NUP133: variants seen among roughly 807,000 people sequenced by gnomAD.
NUP133 encodes nuclear pore complex protein Nup133.
NUP133 carries 66 observed loss-of-function variants against 146.2 expected under a neutral mutation model. That is an observed-to-expected ratio of 0.45 (90% CI 0.37 to 0.55). The LOEUF (loss-of-function observed/expected upper bound fraction) is 0.55, where lower values mean the gene tolerates loss of function less well. Ranked by LOEUF, NUP133 falls within the 20% of genes least tolerant of loss-of-function variation. NUP133 has a pLI of 0.00. For missense variants in NUP133, 1,277 were observed against 1,374.8 expected (o/e 0.93, Z 1.12); for synonymous variants, 521 against 498.8 (o/e 1.04, Z -0.59).
intron 14 of NUP133, among the ~76,000 whole-genome samples, chr1:229,474,622 C>T (rs568561338): frequency 6.6e-6 from 1 of 152,290 alleles, no homozygotes; most frequent in East Asian, 1.9e-4. Context: ...TTCAGTTCTT[C>T]AGTTGCTAGT....
chr1:229,441,808 A>G lies in NUP133; in HGVS notation c.*96T>C, dbSNP rs1660188824. On this transcript the variant is annotated 3_prime_UTR_variant, in exon 26 of 26. Transcript: ENST00000261396. ...GTATAAAAACTCAGCTATACATGTTATGAAATTGTACAAACTTACACTTGT... is the reference window on the plus strand; with the variant it reads ...GTATAAAAACTCAGCTATACATGTTGTGAAATTGTACAAACTTACACTTGT... 2 of 994,384 alleles carry G rather than the reference A, an allele frequency of 2.0e-6. No homozygotes were observed. Among genetic ancestry groups the G allele is most frequent in the Non-Finnish European group, 2.9e-6 (2 of 682,206 alleles). 61.6% of individuals were successfully genotyped at this position (994,384 alleles called of 1,614,324 possible). A position where few individuals can be genotyped will look rare whatever the true frequency, so the allele number is the denominator to read the frequency against.
chr1:229,465,887 T>C (rs1193696746), intron 16 of NUP133, among the ~76,000 whole-genome samples: 1 of 120,398 alleles, frequency 8.3e-6, no homozygotes, highest in Non-Finnish European at 1.6e-5. Context: ...TGAGACCATG[T>C]CTCACAAAAA....
chr1:229,485,521 T>C (rs560521079), intron 11 of NUP133, among the ~76,000 whole-genome samples: 4 of 152,268 alleles, frequency 2.6e-5, no homozygotes, highest in African/African-American at 9.6e-5. Context: ...ATAAAGGACA[T>C]GTAATCAGTA....
chr1:229,506,073 C>T lies in NUP133; in HGVS notation c.268G>A (p.Val90Ile), dbSNP rs1165913947. Residue 90 changes from valine (V) to isoleucine (I), a missense_variant, in exon 2 of 26, where the codon GTT becomes ATT. This residue lies in a region of NUP133 where 319 missense variants were observed against 306.9 expected (regional missense o/e 1.04). Transcript: ENST00000261396. ...AATGTTAGGGCTTCCATGACTTTAACAGGAAGAGAAGATCCAAACGTTTTC... is the reference window on the plus strand; with the variant it reads ...AATGTTAGGGCTTCCATGACTTTAATAGGAAGAGAAGATCCAAACGTTTTC... ...DVKTFGSSLP[V>I]KVMEALTLAE... The T allele has an allele frequency of 6.2e-7, 1 of 1,611,362 alleles. No homozygotes were observed. The highest frequency in any genetic ancestry group is 1.7e-5 in the Admixed American group (1 of 60,004).
rs986707183 is a variant in NUP133 at position 229,464,473 on chromosome 1, G to A, written c.2551+151C>T. 29 of 895,696 alleles carry A rather than the reference G, an allele frequency of 3.2e-5. No individual in the cohort carries two copies. The African/African-American group carries it at 4.2e-4, about 13-fold the overall frequency. 55.5% of individuals were successfully genotyped at this position (895,696 alleles called of 1,614,324 possible). The stretch of plus-strand genomic sequence containing the variant: ...CCTAGATAGTACTGGAAAAAAAGTT[G>A]AATAAATGAGCACAGAAAGCTGTGC... On this transcript the variant is annotated intron_variant, in intron 18 of 25. Coordinates refer to ENST00000261396, the MANE Select transcript of NUP133 (RefSeq NM_018230.3).
chr1:229,449,370 C>CTTT (rs71173728), intron 23 of NUP133, among the ~76,000 whole-genome samples, 180 bp from the exon 24 acceptor site: 4 of 139,776 alleles, frequency 2.9e-5, no homozygotes, highest in Admixed American at 7.2e-5. Context: ...AAGAGTTTTT[C>CTTT]TTTTTTTTTT....
chr1:229,443,284 C>T (rs949412220), intron 25 of NUP133, among the ~76,000 whole-genome samples: 1 of 151,838 alleles, frequency 6.6e-6, no homozygotes, highest in Non-Finnish European at 1.5e-5. Flanking sequence ...AAGGGATTCT[C>T]CTGCCTCGGC....
Position 229,441,218 on chromosome 1 carries a change from C to A in NUP133, c.*686G>T, listed in dbSNP as rs10916477. ...ATACATGAGGCTGGCTGAATCCCCA[C>A]ACTGAAAGATTAGAACTAAACATCA... is the stretch of plus-strand genomic sequence containing the variant. On this transcript the variant is annotated 3_prime_UTR_variant, in exon 26 of 26. Transcript: ENST00000261396. 3.0e-6 allele frequency: 1 copy of A among 329,224 alleles called. No homozygotes were observed. Among genetic ancestry groups the A allele is most frequent in the East Asian group, 7.6e-5 (1 of 13,206 alleles). 20.4% of individuals were successfully genotyped at this position (329,224 alleles called of 1,614,324 possible). A position where few individuals can be genotyped will look rare whatever the true frequency, so the allele number is the denominator to read the frequency against.
intron 22 of NUP133, among the ~76,000 whole-genome samples, chr1:229,451,796 T>C (rs1660455832): frequency 6.6e-6 from 1 of 152,216 alleles, no homozygotes; most frequent in Non-Finnish European, 1.5e-5. Flanking sequence ...ATCTCTGAAA[T>C]TGGACTGTGG....
chr1:229,475,743 A>G lies in NUP133; in HGVS notation c.1757-11T>C. 6.3e-7 allele frequency: 1 copy of G among 1,596,594 alleles called. No homozygotes were observed. Among genetic ancestry groups the G allele is most frequent in the Non-Finnish European group, 8.6e-7 (1 of 1,164,116 alleles). On this transcript the variant is annotated splice_polypyrimidine_tract_variant and intron_variant, in intron 13 of 25. Transcript: ENST00000261396. ...TGAACCCAGGTGCTTCTGTTAAAAC[A>G]CAGTGATAAAACTTAGAACATAGTG... is the stretch of plus-strand genomic sequence containing the variant.
chr1:229,444,792 A>G (rs957898746), intron 25 of NUP133, 122 bp downstream of exon 25: 10 of 634,174 alleles, frequency 1.6e-5, no homozygotes, highest in Non-Finnish European at 2.8e-5. Flanking sequence ...GGCTGCACTG[A>G]GCCGAGATCA....
At chr1:229,460,790 A>G in intron 19 of NUP133, 21 bp from the exon 20 acceptor site, 1 of 1,593,818 alleles carries the variant, frequency 6.3e-7, no homozygotes, top group African/African-American at 1.3e-5. Context: ...CAGAACATAG[A>G]ATTCATTCAT....
In NUP133 at chr1:229,441,272, C is replaced by A; in HGVS notation, c.*632G>T. On this transcript the variant is annotated 3_prime_UTR_variant, in exon 26 of 26. Transcript: ENST00000261396. ...GTAATTTCTAGATAGGTTAGAAAACCACATAAACGTTTCATTCACTAAAAT... is the reference window on the plus strand; with the variant it reads ...GTAATTTCTAGATAGGTTAGAAAACAACATAAACGTTTCATTCACTAAAAT... The A allele has an allele frequency of 2.7e-6, 1 of 366,340 alleles. No individual in the cohort carries two copies. Among genetic ancestry groups the A allele is most frequent in the Non-Finnish European group, 5.5e-6 (1 of 182,562 alleles). The allele number at this position is 366,340 out of a possible 1,614,324, so 22.7% of individuals were successfully genotyped here. A position where few individuals can be genotyped will look rare whatever the true frequency, so the allele number is the denominator to read the frequency against.
intron 20 of NUP133, among the ~76,000 whole-genome samples, chr1:229,459,315 G>A (rs1309429800): frequency 9.2e-5 from 14 of 152,126 alleles, no homozygotes; most frequent in Admixed American, 9.2e-4. Flanking sequence ...TTGAGCCCAG[G>A]AATTCAAGAC....
intron 15 of NUP133, 116 bp from the exon 16 acceptor site, chr1:229,466,872 T>C: frequency 1.3e-6 from 1 of 774,128 alleles, no homozygotes. Context: ...TGGAGGAAAA[T>C]TTATTGGCAG....
Position 229,504,415 on chromosome 1 carries a change from G to C in NUP133, c.301+1625C>G, listed in dbSNP as rs185132858. ...AATGACTTCAGCAGATATTAAGGCTGCTCTGAACTTTGCTCTTCCAGTGTC... is the reference window on the plus strand; with the variant it reads ...AATGACTTCAGCAGATATTAAGGCTCCTCTGAACTTTGCTCTTCCAGTGTC... On this transcript the variant is annotated intron_variant, in intron 2 of 25. Coordinates refer to ENST00000261396, the MANE Select transcript of NUP133 (RefSeq NM_018230.3). Among the ~76,000 whole-genome samples, 263 of 152,278 alleles carry C rather than the reference G, an allele frequency of 1.7e-3. 1 individual carries two copies. Among genetic ancestry groups the C allele is most frequent in the Non-Finnish European group, 2.9e-3 (198 of 68,022 alleles).
intron 23 of NUP133, 64 bp downstream of exon 23, chr1:229,450,460 AG>A: frequency 1.3e-6 from 1 of 773,728 alleles, no homozygotes; most frequent in Non-Finnish European, 2.1e-6. Flanking sequence ...TGACTAAAAG[AG>A]GGATCTCCCT....
rs1661393746 is a variant in NUP133, at chr1:229,487,615, T to C, written c.1195-2A>G. The stretch of plus-strand genomic sequence containing the variant: ...CTGACACAAAATCAGGTCTTCAGAC[T>C]GAAAGTTAAATTTAAGATTACATTT... On this transcript the variant is annotated splice_acceptor_variant, in intron 9 of 25. Transcript: ENST00000261396. LOFTEE classifies it high-confidence loss of function. 1.9e-6 allele frequency: 3 copies of C among 1,587,804 alleles called. No homozygotes were observed. Among genetic ancestry groups the C allele is most frequent in the Non-Finnish European group, 2.6e-6 (3 of 1,172,016 alleles).
chr1:229,443,126 T>C (rs558271046), intron 25 of NUP133, among the ~76,000 whole-genome samples: 2 of 152,118 alleles, frequency 1.3e-5, no homozygotes, highest in Admixed American at 1.3e-4. Flanking sequence ...CCTTTGACCT[T>C]TCGAGCTCAA....
Sources: gnomAD v4.1 joint callset for allele counts (sites outside exome capture counted in the v4.1 genomes callset) on GRCh38, gnomAD v4.1.1 for gene constraint, gnomAD v4.1.1 regional missense constraint, MANE v1.5 for transcripts, NCBI Gene and HGNC (gene_info 2026-07-23, HGNC 2026-07-21) for gene names.